Variants in RBFOX1 observed in about 807,000 individuals in gnomAD.
RBFOX1 encodes the protein RNA binding fox-1 homolog 1.
Under a neutral mutation model 57.7 loss-of-function variants are expected in RBFOX1, and 8 were observed. That is an observed-to-expected ratio of 0.14 (90% CI 0.08 to 0.25). The LOEUF (loss-of-function observed/expected upper bound fraction) is 0.25, where lower values mean the gene tolerates loss of function less well. Ranked by LOEUF, RBFOX1 falls within the 10% of genes least tolerant of loss-of-function variation. The pLI, the probability that RBFOX1 is intolerant of heterozygous loss-of-function variation, is 1.00. For missense variants in RBFOX1, 611 were observed against 548.5 expected (o/e 1.11, Z -1.14); for synonymous variants, 326 against 222.4 (o/e 1.47, Z -4.15).
At chr16:5,436,959 C>G (rs1419030085) in intron 1 of RBFOX1, among the ~76,000 whole-genome samples, 2 of 152,108 alleles carry the variant, frequency 1.3e-5, no homozygotes, top group African/African-American at 2.4e-5. Context: ...GGTTTCCTGT[C>G]TTTGATTTGT....
chr16:6,957,116 T>TTTTATTTATTTATGTA (rs2082022291), intron 3 of RBFOX1, among the ~76,000 whole-genome samples: 1 of 139,244 alleles, frequency 7.2e-6, no homozygotes, highest in African/African-American at 2.8e-5. Flanking sequence ...TTATTTTTAT[T>TTTTATTTATTTATGTA]TTTATTTATT....
At chr16:6,981,615 AAGG>A (rs1210325996) in intron 3 of RBFOX1, among the ~76,000 whole-genome samples, 1 of 152,180 alleles carries the variant, frequency 6.6e-6, no homozygotes, top group Non-Finnish European at 1.5e-5. Flanking sequence ...ATGGGAGGCA[AAGG>A]AGGAGAGAAG....
At chr16:7,216,509 C>CT (rs1424070717) in intron 4 of RBFOX1, among the ~76,000 whole-genome samples, 2 of 152,040 alleles carry the variant, frequency 1.3e-5, no homozygotes, top group African/African-American at 4.8e-5. Flanking sequence ...TAAATAGCGT[C>CT]TACTTCATGG....
chr16:5,721,756 T>G (rs956526547), intron 3 of RBFOX1, among the ~76,000 whole-genome samples: 1 of 152,190 alleles, frequency 6.6e-6, no homozygotes, highest in African/African-American at 2.4e-5. Context: ...ATCTGCTCAT[T>G]CTGAATTATT....
chr16:7,105,839 G>A (rs1254677903), intron 4 of RBFOX1, among the ~76,000 whole-genome samples: 2 of 152,024 alleles, frequency 1.3e-5, no homozygotes, highest in South Asian at 2.1e-4. Context: ...TTTGATTGAT[G>A]GGCATTTGCG....
At chr16:6,005,810 C>T (rs1206713753) in intron 4 of RBFOX1, among the ~76,000 whole-genome samples, 2 of 152,130 alleles carry the variant, frequency 1.3e-5, no homozygotes, top group East Asian at 3.9e-4. Flanking sequence ...TAAAAAAAGG[C>T]TAATGGCATT....
At chr16:7,549,601 T>C (rs1325464964) in intron 5 of RBFOX1, among the ~76,000 whole-genome samples, 1 of 152,170 alleles carries the variant, frequency 6.6e-6, no homozygotes, top group African/African-American at 2.4e-5. Context: ...CAGTCTGTGG[T>C]TGAAGGTCCA....
chr16:6,433,259 G>A (rs901556067), intron 2 of RBFOX1, among the ~76,000 whole-genome samples: 2 of 152,212 alleles, frequency 1.3e-5, no homozygotes, highest in African/African-American at 4.8e-5. Flanking sequence ...AGAAAGACAA[G>A]AGTCAGAAAT....
intron 4 of RBFOX1, among the ~76,000 whole-genome samples, chr16:5,958,903 C>G (rs1319368260): frequency 6.6e-6 from 1 of 152,146 alleles, no homozygotes; most frequent in African/African-American, 2.4e-5. Context: ...CTAGGCACAC[C>G]CTGATAGTCC....
chr16:6,296,502 G>C (rs2078129771), intron 1 of RBFOX1, among the ~76,000 whole-genome samples: 1 of 151,102 alleles, frequency 6.6e-6, no homozygotes, highest in Admixed American at 6.6e-5. Context: ...CTCACTGCAA[G>C]CTCCGCCTCC....
chr16:6,673,156 C>T (rs1297959673), intron 3 of RBFOX1, among the ~76,000 whole-genome samples: 1 of 152,200 alleles, frequency 6.6e-6, no homozygotes, highest in African/African-American at 2.4e-5. Flanking sequence ...GTGATGTCTA[C>T]ACTTCCCAGG....
chr16:6,083,190 A>T (rs2096032718), intron 1 of RBFOX1, among the ~76,000 whole-genome samples: 1 of 151,986 alleles, frequency 6.6e-6, no homozygotes, highest in Non-Finnish European at 1.5e-5. Flanking sequence ...TTTAGTGGAG[A>T]TGGGGTTTCA....
At chr16:7,548,844 T>A (rs757139426) in intron 5 of RBFOX1, among the ~76,000 whole-genome samples, 4 of 152,210 alleles carry the variant, frequency 2.6e-5, no homozygotes, top group Non-Finnish European at 5.9e-5. Flanking sequence ...TGATGGCATG[T>A]TCCTGCCTAT....
chr16:6,400,930 T>C (rs1002951981), intron 2 of RBFOX1, among the ~76,000 whole-genome samples: 1 of 152,156 alleles, frequency 6.6e-6, no homozygotes, highest in Non-Finnish European at 1.5e-5. Flanking sequence ...CCTGATGGTG[T>C]TGGATTGAAA....
chr16:5,912,053 C>A (rs1019628894), intron 4 of RBFOX1, among the ~76,000 whole-genome samples: 4 of 152,180 alleles, frequency 2.6e-5, no homozygotes, highest in Admixed American at 1.3e-4. Flanking sequence ...CCTCACCACT[C>A]CACCCAAGCG....
chr16:7,221,480 C>T (rs1166574670), intron 4 of RBFOX1, among the ~76,000 whole-genome samples: 4 of 152,090 alleles, frequency 2.6e-5, no homozygotes, highest in Admixed American at 2.6e-4. Flanking sequence ...GATTCTCCTG[C>T]CTCAGCTTCC....
intron 3 of RBFOX1, among the ~76,000 whole-genome samples, chr16:5,765,943 A>G (rs8063173): frequency 6.6e-6 from 1 of 151,980 alleles, no homozygotes; most frequent in Non-Finnish European, 1.5e-5. Context: ...ACCCAGCTAC[A>G]TGGTTACTGC....
chr16:5,383,002 G>A (rs2066167280), intron 1 of RBFOX1, among the ~76,000 whole-genome samples: 1 of 152,196 alleles, frequency 6.6e-6, no homozygotes, highest in South Asian at 2.1e-4. Flanking sequence ...CAAGAATAAA[G>A]TGGCATTAAT....
intron 1 of RBFOX1, among the ~76,000 whole-genome samples, chr16:5,351,638 C>T (rs921986659): frequency 3.9e-5 from 6 of 152,208 alleles, no homozygotes; most frequent in African/African-American, 7.2e-5. Context: ...GCAATGTACT[C>T]AATGCCTGTG....
Sources: gnomAD v4.1 joint callset for allele counts (sites outside exome capture counted in the v4.1 genomes callset) on GRCh38, gnomAD v4.1.1 for gene constraint, MANE v1.5 for transcripts, NCBI Gene and HGNC (gene_info 2026-07-23, HGNC 2026-07-21) for gene names.